FGF10: variants seen among roughly 807,000 people sequenced by gnomAD.
FGF10 encodes FGF-10.
A neutral mutation model predicts 19.8 loss-of-function variants in FGF10; 2 were observed. That is an observed-to-expected ratio of 0.10 (90% CI 0.04 to 0.32). The LOEUF (loss-of-function observed/expected upper bound fraction) is 0.32, where lower values mean the gene tolerates loss of function less well. Ranked by LOEUF, FGF10 falls within the 10% of genes least tolerant of loss-of-function variation. The pLI is 1.00. For missense variants in FGF10, 191 were observed against 246.3 expected, an observed-to-expected ratio of 0.78 and a Z score of 1.50; for synonymous variants, 112 against 94.0, an observed-to-expected ratio of 1.19 and a Z score of -1.10.
intron 1 of FGF10, among the ~76,000 whole-genome samples, chr5:44,354,404 T>C (rs1248855394): frequency 6.6e-6 from 1 of 151,528 alleles, no homozygotes; most frequent in East Asian, 1.9e-4. Flanking sequence ...TTATAGTTAA[T>C]ACTCTGTTAT....
rs1561219462 is a variant in FGF10, at chr5:44,376,505, A to AC, written c.325+11852_325+11853insG. Among the ~76,000 whole-genome samples, 7 of 145,004 alleles carry AC rather than the reference A, an allele frequency of 4.8e-5. No homozygotes were observed. In the East Asian group the frequency reaches 1.4e-3, roughly 29 times the overall value. ...ATACAAATGCCAAAAAAAAAAAAAA[A>AC]AAAAAAAAAAAACAAAAAACCCACA... On this transcript the variant is annotated intron_variant, in intron 1 of 2. Transcript: ENST00000264664.
chr5:44,373,657 A>G (rs2330550), intron 1 of FGF10, among the ~76,000 whole-genome samples: 18,491 of 152,062 alleles, frequency 0.12, 2,770 homozygotes, highest in African/African-American at 0.35. Context: ...TGAGCCCTCA[A>G]AAAAAGCACT....
intron 1 of FGF10, among the ~76,000 whole-genome samples, chr5:44,313,220 C>G (rs541769057): frequency 6.6e-6 from 1 of 152,170 alleles, no homozygotes; most frequent in African/African-American, 2.4e-5. Context: ...ATTTGATCAT[C>G]TTGTGAGTAA....
intron 1 of FGF10, among the ~76,000 whole-genome samples, chr5:44,380,967 ACTTT>A (rs569047768): frequency 6.6e-6 from 1 of 152,310 alleles, no homozygotes; most frequent in South Asian, 2.1e-4. Flanking sequence ...AATCATCTTC[ACTTT>A]CTTTCTTTCA....
intron 1 of FGF10, among the ~76,000 whole-genome samples, chr5:44,367,565 C>A (rs1436603966): frequency 2.0e-5 from 3 of 151,998 alleles, no homozygotes; most frequent in African/African-American, 7.2e-5. Context: ...ATTAACTACT[C>A]AGTGAAGTTA....
At chr5:44,358,491 T>TA (rs1373807915) in intron 1 of FGF10, among the ~76,000 whole-genome samples, 1 of 151,526 alleles carries the variant, frequency 6.6e-6, no homozygotes, top group Non-Finnish European at 1.5e-5. Context: ...TCAGAAGCTC[T>TA]AAAAAACAAA....
intron 1 of FGF10, among the ~76,000 whole-genome samples, chr5:44,346,698 T>TA (rs1741097948): frequency 6.6e-6 from 1 of 151,874 alleles, no homozygotes; most frequent in Non-Finnish European, 1.5e-5. Context: ...AATAATCTGA[T>TA]ACAAATAATC....
chr5:44,348,022 G>A (rs551669257), intron 1 of FGF10, among the ~76,000 whole-genome samples: 2 of 151,690 alleles, frequency 1.3e-5, no homozygotes, highest in Admixed American at 1.3e-4. Context: ...AGACTGCCAC[G>A]ATTTGCTATA....
At chr5:44,362,279 T>C (rs1370380817) in intron 1 of FGF10, among the ~76,000 whole-genome samples, 1 of 151,854 alleles carries the variant, frequency 6.6e-6, no homozygotes, top group East Asian at 1.9e-4. Context: ...AGTCCATATA[T>C]CTTTTATCCT....
intron 1 of FGF10, among the ~76,000 whole-genome samples, chr5:44,334,233 C>G (rs938015225): frequency 6.6e-6 from 1 of 152,006 alleles, no homozygotes; most frequent in African/African-American, 2.4e-5. Flanking sequence ...TGTCCACAAC[C>G]TTAGGCCTTG....
intron 1 of FGF10, among the ~76,000 whole-genome samples, chr5:44,376,567 T>C (rs1428984854): frequency 6.8e-6 from 1 of 148,010 alleles, no homozygotes; most frequent in East Asian, 2.0e-4. Context: ...AGGTGTTCCT[T>C]TTGGGGATTT....
chr5:44,379,391 A>T (rs1443204514), intron 1 of FGF10, among the ~76,000 whole-genome samples: 3 of 152,230 alleles, frequency 2.0e-5, no homozygotes, highest in African/African-American at 7.2e-5. Context: ...TTTCATCTTT[A>T]CCATGTAGTA....
intron 1 of FGF10, among the ~76,000 whole-genome samples, chr5:44,363,119 A>G (rs181547325): frequency 1.3e-5 from 2 of 152,006 alleles, no homozygotes; most frequent in Admixed American, 6.6e-5. Context: ...GAAAAACAAC[A>G]GATGAATATG....
intron 1 of FGF10, among the ~76,000 whole-genome samples, chr5:44,356,658 A>C (rs2111840309): frequency 6.6e-6 from 1 of 151,608 alleles, no homozygotes; most frequent in South Asian, 2.1e-4. Flanking sequence ...ATTCAATATA[A>C]GAATATTGTA....
rs546135820 is a variant in FGF10, at chr5:44,304,774, G to A, written c.*221C>T. ...CTTGGGAATAACTTCTATCCCATTC[G>A]ATCTGCCTATATCTTGATTATAAGA... On this transcript the variant is annotated 3_prime_UTR_variant, in exon 3 of 3. Transcript: ENST00000264664. 12 of 539,030 alleles carry A rather than the reference G, an allele frequency of 2.2e-5. No homozygotes were observed. Among genetic ancestry groups the A allele is most frequent in the South Asian group, 1.1e-4 (5 of 46,380 alleles). The allele number at this position is 539,030 out of a possible 1,614,324, so 33.4% of individuals were successfully genotyped here.
chr5:44,312,911 A>G (rs1740246471), intron 1 of FGF10, among the ~76,000 whole-genome samples: 1 of 152,042 alleles, frequency 6.6e-6, no homozygotes, highest in African/African-American at 2.4e-5. Flanking sequence ...ATACAACTGA[A>G]TTTTTGACCC....
At chr5:44,334,689 T>C (rs1299522089) in intron 1 of FGF10, among the ~76,000 whole-genome samples, 1 of 152,176 alleles carries the variant, frequency 6.6e-6, no homozygotes, top group Non-Finnish European at 1.5e-5. Flanking sequence ...ACTCATGTTT[T>C]TTTCAATATC....
chr5:44,321,265 G>C (rs1258043819), intron 1 of FGF10, among the ~76,000 whole-genome samples: 1 of 152,120 alleles, frequency 6.6e-6, no homozygotes, highest in Admixed American at 6.5e-5. Context: ...GAAATAGCAG[G>C]GGATATCAGG....
chr5:44,312,624 AT>A (rs1740239331), intron 1 of FGF10, among the ~76,000 whole-genome samples: 1 of 152,092 alleles, frequency 6.6e-6, no homozygotes, highest in Non-Finnish European at 1.5e-5. Context: ...AACATACTTT[AT>A]TTATGTCATA....
Sources: allele counts gnomAD v4.1 joint callset (sites outside exome capture counted in the v4.1 genomes callset), GRCh38; gene constraint gnomAD v4.1.1; transcripts MANE v1.5; gene names NCBI Gene and HGNC (gene_info 2026-07-23, HGNC 2026-07-21).